The following LUZP2 variants were observed in gnomAD, a reference collection of about 807,000 sequenced individuals.
LUZP2 encodes the protein leucine zipper protein 2.
Under a neutral mutation model 51.6 loss-of-function variants are expected in LUZP2, and 52 were observed. The ratio of observed to expected loss-of-function variants is 1.01; its 90% confidence interval spans 0.81 to 1.27. The LOEUF (loss-of-function observed/expected upper bound fraction) is 1.27. Ranked by LOEUF, LUZP2 falls within the 50% of genes most tolerant of loss-of-function variation. LUZP2 has a pLI of 0.00. For missense variants in LUZP2, 436 were observed against 395.4 expected, an observed-to-expected ratio of 1.10 and a Z score of -0.87; for synonymous variants, 154 against 137.3, an observed-to-expected ratio of 1.12 and a Z score of -0.85.
intron 5 of LUZP2, among the ~76,000 whole-genome samples, chr11:24,768,388 G>T (rs1008853180): frequency 2.0e-5 from 3 of 152,280 alleles, no homozygotes; most frequent in Non-Finnish European, 4.4e-5. Flanking sequence ...GGGATTACAG[G>T]CATAAGCCAT....
chr11:24,580,775 T>A (rs970106136), intron 1 of LUZP2, among the ~76,000 whole-genome samples: 1 of 152,138 alleles, frequency 6.6e-6, no homozygotes, highest in Non-Finnish European at 1.5e-5. Flanking sequence ...TAGAAAAGTG[T>A]TCATTACCAA....
intron 1 of LUZP2, among the ~76,000 whole-genome samples, chr11:24,595,331 G>A (rs969008634): frequency 3.9e-5 from 6 of 152,106 alleles, no homozygotes; most frequent in African/African-American, 1.2e-4. Context: ...TAAAATGTCA[G>A]GTGTTCCAAG....
At chr11:24,936,464 T>C (rs1007314479) in intron 7 of LUZP2, among the ~76,000 whole-genome samples, 27 of 152,296 alleles carry the variant, frequency 1.8e-4, no homozygotes, top group Admixed American at 1.6e-3. Flanking sequence ...TCTTACTCAA[T>C]AGAGGCTTAT....
intron 1 of LUZP2, among the ~76,000 whole-genome samples, chr11:24,516,813 C>T (rs1850479399): frequency 1.3e-5 from 2 of 152,160 alleles, no homozygotes; most frequent in African/African-American, 4.8e-5. Context: ...TTCTAGGTTA[C>T]AGCTGCCTAG....
intron 1 of LUZP2, among the ~76,000 whole-genome samples, chr11:24,552,160 T>C (rs1184749422): frequency 6.6e-6 from 1 of 152,058 alleles, no homozygotes; most frequent in Admixed American, 6.6e-5. Flanking sequence ...CTTCCAAATG[T>C]AGATTCAGTA....
intron 1 of LUZP2, among the ~76,000 whole-genome samples, chr11:24,511,680 G>A (rs554898676): frequency 6.6e-6 from 1 of 152,024 alleles, no homozygotes; most frequent in East Asian, 1.9e-4. Context: ...AAGTTCATAT[G>A]TATTTTATGA....
chr11:24,601,179 T>C (rs1482687321), intron 1 of LUZP2, among the ~76,000 whole-genome samples: 1 of 151,968 alleles, frequency 6.6e-6, no homozygotes, highest in Non-Finnish European at 1.5e-5. Context: ...ATCAAAGACA[T>C]GGAGATCTCA....
At chr11:24,610,416 CAA>C (rs1334619675) in intron 1 of LUZP2, among the ~76,000 whole-genome samples, 1 of 152,114 alleles carries the variant, frequency 6.6e-6, no homozygotes, top group Non-Finnish European at 1.5e-5. Context: ...TCAGGTTTAA[CAA>C]AGACATTTTC....
intron 1 of LUZP2, among the ~76,000 whole-genome samples, chr11:24,598,892 A>G (rs1853532194): frequency 6.6e-6 from 1 of 152,184 alleles, no homozygotes; most frequent in African/African-American, 2.4e-5. Context: ...GTCAGGGACA[A>G]ATGAGAGGTT....
At chr11:24,723,934 C>A (rs979520090) in intron 1 of LUZP2, among the ~76,000 whole-genome samples, 4 of 151,988 alleles carry the variant, frequency 2.6e-5, no homozygotes, top group Admixed American at 6.6e-5. Flanking sequence ...ATGAATCAAG[C>A]AAAAGACATT....
intron 4 of LUZP2, chr11:24,763,000 G>A (rs1263889490): frequency 1.4e-5 from 13 of 919,168 alleles, no homozygotes; most frequent in Non-Finnish European, 1.6e-5. Context: ...ATAAAGTGTA[G>A]GGTTTCTCAA....
intron 1 of LUZP2, among the ~76,000 whole-genome samples, chr11:24,498,899 T>A (rs1849908028): frequency 6.6e-6 from 1 of 152,200 alleles, no homozygotes; most frequent in Non-Finnish European, 1.5e-5. Flanking sequence ...ACTGTGAACA[T>A]CTCTAGAGTT....
At chr11:24,810,829 G>A (rs1030661158) in intron 5 of LUZP2, among the ~76,000 whole-genome samples, 3 of 152,116 alleles carry the variant, frequency 2.0e-5, no homozygotes, top group African/African-American at 2.4e-5. Context: ...ATTATACTCC[G>A]AAGAGGTACC....
At chr11:25,020,845 T>A (rs1241607847) in intron 9 of LUZP2, among the ~76,000 whole-genome samples, 2 of 152,050 alleles carry the variant, frequency 1.3e-5, no homozygotes, top group Non-Finnish European at 2.9e-5. Context: ...AACGTTGTAA[T>A]AGGCACATGA....
intron 4 of LUZP2, 120 bp from the exon 5 acceptor site, chr11:24,763,126 T>G (rs564315761): frequency 8.9e-6 from 5 of 562,716 alleles, no homozygotes; most frequent in African/African-American, 7.9e-5. Flanking sequence ...GTGTAATTCT[T>G]TGTTCTTTTT....
intron 1 of LUZP2, among the ~76,000 whole-genome samples, chr11:24,543,525 T>C (rs1381033739): frequency 1.3e-5 from 2 of 152,034 alleles, no homozygotes; most frequent in African/African-American, 4.8e-5. Context: ...ACATACAGTT[T>C]GTATTGCTAT....
chr11:24,594,885 G>A lies in LUZP2; in HGVS notation c.62+97580G>A, dbSNP rs982366900. 3.4e-5 allele frequency among the ~76,000 whole-genome samples: 5 copies of A among 149,174 alleles called. No homozygotes were observed. In the Admixed American group the frequency reaches 3.4e-4, roughly 10 times the overall value. ...AGCAATTTTCCTGCCTCAGCCTCCTGTGTAGCTGGGATTACAGGCATGCAC... is the reference window on the plus strand; with the variant it reads ...AGCAATTTTCCTGCCTCAGCCTCCTATGTAGCTGGGATTACAGGCATGCAC... On this transcript the variant is annotated intron_variant, in intron 1 of 11. Coordinates refer to ENST00000336930, the MANE Select transcript of LUZP2 (RefSeq NM_001009909.4).
chr11:25,026,894 A>AT (rs35365552), intron 9 of LUZP2, among the ~76,000 whole-genome samples: 62,097 of 147,960 alleles, frequency 0.42, 14,041 homozygotes, highest in East Asian at 0.77. Flanking sequence ...TTCTTTATTT[A>AT]TTTTTTTATT....
chr11:25,045,594 A>C (rs1858281378), intron 9 of LUZP2, among the ~76,000 whole-genome samples: 1 of 152,150 alleles, frequency 6.6e-6, no homozygotes, highest in Non-Finnish European at 1.5e-5. Context: ...ATAAATGCAC[A>C]ATATTTGCAT....
Sources: gnomAD v4.1 joint callset for allele counts (sites outside exome capture counted in the v4.1 genomes callset) on GRCh38, gnomAD v4.1.1 for gene constraint, MANE v1.5 for transcripts, NCBI Gene and HGNC (gene_info 2026-07-23, HGNC 2026-07-21) for gene names.